GADL1: variants seen among roughly 807,000 people sequenced by gnomAD.
The protein encoded by GADL1 is acidic amino acid decarboxylase GADL1.
In GADL1, 71 loss-of-function variants were observed where a neutral mutation model predicts 69.5. The ratio of observed to expected loss-of-function variants is 1.02; its 90% CI spans 0.84 to 1.25. GADL1 has a LOEUF of 1.25. Ranked by LOEUF, GADL1 falls within the 50% of genes most tolerant of loss-of-function variation. The pLI, the probability that GADL1 is intolerant of heterozygous loss-of-function variation, is 0.00. For synonymous variants in GADL1, 254 were observed against 214.4 expected (o/e 1.18, Z -1.62); for missense variants, 737 against 631.8 (o/e 1.17, Z -1.79).
rs193007669 is a variant in GADL1, at chr3:30,822,180, A to G, written c.1050+11673T>C. 2.5e-3 allele frequency among the ~76,000 whole-genome samples: 382 copies of G among 152,190 alleles called. 1 individual carries two copies. The highest frequency in any genetic ancestry group is 8.7e-3 in the African/African-American group (363 of 41,560). The stretch of plus-strand genomic sequence containing the variant: ...CACAACAAGAATAGATGGCTGGATG[A>G]TATTTCCAAATACCAATATCTCCTA... On this transcript the variant is annotated intron_variant, in intron 11 of 14. Coordinates refer to ENST00000282538, the MANE Select transcript of GADL1 (RefSeq NM_207359.3).
chr3:30,765,866 C>T (rs762445166), intron 14 of GADL1, among the ~76,000 whole-genome samples: 8 of 152,150 alleles, frequency 5.3e-5, no homozygotes, highest in Non-Finnish European at 1.2e-4. Flanking sequence ...CATAATTTGT[C>T]TGTTTCTCTC....
intron 1 of GADL1, among the ~76,000 whole-genome samples, chr3:30,869,054 C>G (rs533139259): frequency 2.8e-5 from 4 of 145,390 alleles, no homozygotes; most frequent in Admixed American, 1.4e-4. Flanking sequence ...CCTCACCCAG[C>G]CTGGTGCCTG....
intron 14 of GADL1, among the ~76,000 whole-genome samples, chr3:30,769,435 TGA>T (rs1481921617): frequency 4.6e-5 from 7 of 152,108 alleles, no homozygotes; most frequent in African/African-American, 1.7e-4. Flanking sequence ...AGAGGGAAGC[TGA>T]GGATGATTCC....
intron 1 of GADL1, among the ~76,000 whole-genome samples, chr3:30,893,116 A>C (rs769544950): frequency 2.6e-5 from 4 of 152,238 alleles, no homozygotes; most frequent in Non-Finnish European, 4.4e-5. Flanking sequence ...TCGGCCTCCC[A>C]AAGTGCTGGG....
intron 13 of GADL1, among the ~76,000 whole-genome samples, chr3:30,782,142 T>G (rs1696679630): frequency 6.6e-6 from 1 of 152,160 alleles, no homozygotes; most frequent in Non-Finnish European, 1.5e-5. Context: ...CATGAAGGAC[T>G]TCTCGTATGA....
chr3:30,815,948 A>G (rs755325526), intron 11 of GADL1, among the ~76,000 whole-genome samples: 8 of 152,060 alleles, frequency 5.3e-5, no homozygotes, highest in Non-Finnish European at 8.8e-5. Context: ...TGAGCATGTT[A>G]TTTATGCTTT....
intron 11 of GADL1, among the ~76,000 whole-genome samples, chr3:30,806,568 C>T (rs1218640739): frequency 6.6e-6 from 1 of 152,166 alleles, no homozygotes. Context: ...AAAAAAGTCA[C>T]CATCCTTAAG....
chr3:30,886,637 G>T (rs901442323), intron 1 of GADL1, among the ~76,000 whole-genome samples: 13 of 152,260 alleles, frequency 8.5e-5, no homozygotes, highest in African/African-American at 2.6e-4. Flanking sequence ...TCAGCATGGG[G>T]TTAGCTTTAT....
intron 9 of GADL1, 26 bp downstream of exon 9, chr3:30,838,971 A>T (rs759382244): frequency 7.5e-7 from 1 of 1,336,636 alleles, no homozygotes; most frequent in South Asian, 1.4e-5. Flanking sequence ...AAGGTTAAAC[A>T]GGTATGTACA....
chr3:30,837,059 C>G (rs1358772255), intron 9 of GADL1, among the ~76,000 whole-genome samples: 1 of 151,938 alleles, frequency 6.6e-6, no homozygotes, highest in Non-Finnish European at 1.5e-5. Flanking sequence ...GTAAGTGCAT[C>G]TTAGAATTAA....
chr3:30,827,855 T>C (rs1697709433), intron 11 of GADL1, among the ~76,000 whole-genome samples: 1 of 151,934 alleles, frequency 6.6e-6, no homozygotes, highest in African/African-American at 2.4e-5. Context: ...CAGAGAATGA[T>C]TTTGGCAGCA....
intron 1 of GADL1, among the ~76,000 whole-genome samples, chr3:30,887,771 G>C (rs192130108): frequency 5.7e-4 from 87 of 152,196 alleles, no homozygotes; most frequent in African/African-American, 1.9e-3. Context: ...GAATAGAAAA[G>C]AAAGAGAGAA....
intron 11 of GADL1, among the ~76,000 whole-genome samples, chr3:30,828,792 T>C (rs1453191476): frequency 1.3e-5 from 2 of 151,932 alleles, no homozygotes; most frequent in Non-Finnish European, 2.9e-5. Flanking sequence ...TATGCACATA[T>C]ATACTCTACT....
At chr3:30,789,379 G>A (rs1402598355) in intron 12 of GADL1, among the ~76,000 whole-genome samples, 1 of 152,198 alleles carries the variant, frequency 6.6e-6, no homozygotes, top group African/African-American at 2.4e-5. Context: ...GCCATAAAGA[G>A]ATGTGCTGTC....
chr3:30,772,560 T>C (rs1197438577), intron 14 of GADL1, among the ~76,000 whole-genome samples: 5 of 152,128 alleles, frequency 3.3e-5, no homozygotes, highest in Admixed American at 3.3e-4. Context: ...TACAAACTTA[T>C]TTCAGGAAGT....
In GADL1 at chr3:30,781,851, A is replaced by G. The variant is rs145343883; in HGVS notation, c.1303-3583T>C. Reference sequence around the variant, plus strand: ...CTATTATTTGGGGCCATAATGGCAAAAAGAGATGTCTTTTAAAGTGGATGA... The same window carrying G: ...CTATTATTTGGGGCCATAATGGCAAGAAGAGATGTCTTTTAAAGTGGATGA... On this transcript the variant is annotated intron_variant, in intron 13 of 14. Transcript: ENST00000282538. 1.9e-3 allele frequency among the ~76,000 whole-genome samples: 287 copies of G among 152,338 alleles called. No homozygotes were observed. The South Asian group carries it at 0.02, about 11-fold the overall frequency.
intron 8 of GADL1, among the ~76,000 whole-genome samples, chr3:30,840,245 T>C (rs1486585860): frequency 6.6e-6 from 1 of 152,158 alleles, no homozygotes; most frequent in Non-Finnish European, 1.5e-5. Flanking sequence ...CTTTCCAATT[T>C]AACCGACTTT....
At chr3:30,766,564 T>TC (rs58714970) in intron 14 of GADL1, among the ~76,000 whole-genome samples, 63,177 of 151,930 alleles carry the variant, frequency 0.42, 13,186 homozygotes, top group Non-Finnish European at 0.44. Context: ...TGATTTTTTT[T>TC]CTCTTAATGA....
chr3:30,759,072 G>T (rs965906296), intron 14 of GADL1, among the ~76,000 whole-genome samples: 12 of 151,484 alleles, frequency 7.9e-5, no homozygotes, highest in Non-Finnish European at 1.5e-4. Context: ...TTAAAAATCC[G>T]TTTTTTTTCC....
Sources: allele counts gnomAD v4.1 joint callset (sites outside exome capture counted in the v4.1 genomes callset), GRCh38; gene constraint gnomAD v4.1.1; transcripts MANE v1.5; gene names NCBI Gene and HGNC (gene_info 2026-07-23, HGNC 2026-07-21).